Variants in MAP2 observed in about 807,000 individuals in gnomAD.
The protein encoded by MAP2 is microtubule associated protein 2, also known as microtubule-associated protein 2.
In MAP2, 14 loss-of-function variants were observed where a neutral mutation model predicts 137.6. The ratio of observed to expected loss-of-function variants is 0.10; its 90% confidence interval spans 0.07 to 0.16. The LOEUF (loss-of-function observed/expected upper bound fraction) is 0.16. Ranked by LOEUF, MAP2 falls within the 10% of genes least tolerant of loss-of-function variation. The probability of loss-of-function intolerance (pLI) is 1.00; values close to 1 mark genes in which losing one functional copy is unlikely to be tolerated. For missense variants in MAP2, 2,088 were observed against 2,191.5 expected, an observed-to-expected ratio of 0.95 and a Z score of 0.94; for synonymous variants, 786 against 782.3, an observed-to-expected ratio of 1.00 and a Z score of -0.08.
At chr2:209,438,480 A>G (rs1299625278) in intron 1 of MAP2, among the ~76,000 whole-genome samples, 2 of 151,554 alleles carry the variant, frequency 1.3e-5, no homozygotes, top group Non-Finnish European at 3.0e-5. Context: ...TGTGTAAATA[A>G]CTCCACCGAT....
chr2:209,467,462 A>G (rs1353212901), intron 1 of MAP2, among the ~76,000 whole-genome samples: 2 of 151,996 alleles, frequency 1.3e-5, no homozygotes, highest in African/African-American at 4.8e-5. Context: ...GTCTCTTCCT[A>G]CTACTCCCAT....
intron 1 of MAP2, among the ~76,000 whole-genome samples, chr2:209,434,413 AATT>A (rs1307922843): frequency 6.6e-6 from 1 of 151,894 alleles, no homozygotes; most frequent in Admixed American, 6.6e-5. Context: ...TGGGGTATTT[AATT>A]ATTGTTGATT....
chr2:209,643,663 ACTGCCC>A (rs2094199146), intron 4 of MAP2, among the ~76,000 whole-genome samples: 1 of 151,966 alleles, frequency 6.6e-6, no homozygotes, highest in African/African-American at 2.4e-5. Flanking sequence ...AATGCCAGGG[ACTGCCC>A]ATTGTTTTCA....
intron 1 of MAP2, among the ~76,000 whole-genome samples, chr2:209,471,012 T>G (rs1705566373): frequency 6.6e-6 from 1 of 152,174 alleles, no homozygotes; most frequent in Admixed American, 6.5e-5. Flanking sequence ...TTAAAGGTCT[T>G]TAGTAACTTC....
Position 209,433,259 on chromosome 2 carries a change from G to C in MAP2, c.-222+8983G>C, listed in dbSNP as rs543012642. ...ATATACAATAAACATATATAATAGA[G>C]CTTGTCTGTGATGGGATAGGCTGCC... is the stretch of plus-strand genomic sequence containing the variant. On this transcript the variant is annotated intron_variant, in intron 1 of 15. Coordinates refer to ENST00000682079, the MANE Select transcript of MAP2 (RefSeq NM_001375505.1). 9.2e-5 allele frequency among the ~76,000 whole-genome samples: 14 copies of C among 152,202 alleles called. No homozygotes were observed. In the South Asian group the frequency reaches 2.9e-3, roughly 32 times the overall value.
At chr2:209,598,251 C>A (rs2081907567) in intron 3 of MAP2, among the ~76,000 whole-genome samples, 1 of 151,860 alleles carries the variant, frequency 6.6e-6, no homozygotes. Flanking sequence ...GTGATCTGCT[C>A]ACCTCGGCCT....
chr2:209,448,072 T>G (rs1699503673), intron 1 of MAP2, among the ~76,000 whole-genome samples: 1 of 152,100 alleles, frequency 6.6e-6, no homozygotes, highest in Admixed American at 6.6e-5. Flanking sequence ...GGCCTTAATG[T>G]GCAGTATCAT....
At chr2:209,662,890 TA>T (rs2044342012) in intron 5 of MAP2, among the ~76,000 whole-genome samples, 1 of 152,094 alleles carries the variant, frequency 6.6e-6, no homozygotes, top group Non-Finnish European at 1.5e-5. Flanking sequence ...TTTGAACAAA[TA>T]AATTGCTCAA....
intron 5 of MAP2, among the ~76,000 whole-genome samples, chr2:209,676,159 T>A (rs565518300): frequency 6.6e-6 from 1 of 151,726 alleles, no homozygotes; most frequent in South Asian, 2.1e-4. Flanking sequence ...CAATGATAGA[T>A]TGGATAAAGA....
Position 209,694,159 on chromosome 2 carries a change from T to C in MAP2, c.1989T>C (p.Asp663=), listed in dbSNP as rs775038543. The change falls in exon 8 of 16, where the codon GAT becomes GAC. Residue 663 remains aspartate (D), a synonymous_variant. Coordinates refer to ENST00000682079, the MANE Select transcript of MAP2 (RefSeq NM_001375505.1). ...CTCAAGAAAGAATGTTCACTATTGA[T>C]CCAAAAGTGTATGGAGAGAAAAGGG... ...SSPQERMFTI[D]PKVYGEKRDL... is the part of the protein sequence containing the mutation. The C allele has an allele frequency of 8.7e-6, 14 of 1,614,044 alleles. No individual in the cohort carries two copies. Among genetic ancestry groups the C allele is most frequent in the Non-Finnish European group, 1.2e-5 (14 of 1,179,966 alleles).
At chr2:209,581,655 G>A (rs1362141699) in intron 3 of MAP2, among the ~76,000 whole-genome samples, 1 of 152,102 alleles carries the variant, frequency 6.6e-6, no homozygotes, top group Non-Finnish European at 1.5e-5. Flanking sequence ...TTCACATGAA[G>A]ATCTATTTCC....
At chr2:209,610,282 G>A (rs1236349108) in intron 3 of MAP2, among the ~76,000 whole-genome samples, 1 of 152,078 alleles carries the variant, frequency 6.6e-6, no homozygotes, top group Non-Finnish European at 1.5e-5. Flanking sequence ...AGAGGAGAGG[G>A]TAGGGGAAGC....
chr2:209,525,305 T>C (rs1229781924), intron 2 of MAP2, among the ~76,000 whole-genome samples: 2 of 152,202 alleles, frequency 1.3e-5, no homozygotes, highest in African/African-American at 4.8e-5. Flanking sequence ...TTTTCATATC[T>C]ATATTTAGAA....
At position 209,705,650 on chromosome 2, in the gene MAP2, G is replaced by A. The variant is rs1255439477; in HGVS notation, c.4655G>A (p.Arg1552Gln). The A allele has an allele frequency of 4.3e-6, 7 of 1,613,314 alleles. No individual in the cohort carries two copies. The highest frequency in any genetic ancestry group is 1.1e-5 in the South Asian group (1 of 91,046). ...CCTTCCTCCATTCTCCCTCCTCGGCGAGGTGTGTCAGGAGACAGAGATGAG... is the reference window on the plus strand; with the variant it reads ...CCTTCCTCCATTCTCCCTCCTCGGCAAGGTGTGTCAGGAGACAGAGATGAG... The part of the protein sequence containing the change: ...PRPSSILPPR[R>Q]GVSGDRDENS... Residue 1552 changes from arginine (R) to glutamine (Q), a missense_variant, in exon 12 of 16, where the codon CGA becomes CAA. Arg to Gln is a conservative substitution (Grantham distance 43). Transcript: ENST00000682079.
intron 2 of MAP2, among the ~76,000 whole-genome samples, chr2:209,544,112 A>T (rs534011855): frequency 4.6e-4 from 70 of 152,176 alleles, no homozygotes; most frequent in Non-Finnish European, 8.7e-4. Flanking sequence ...GGGTGCCTGT[A>T]GTCCCATCTA....
At chr2:209,578,135 G>C (rs545737561) in intron 2 of MAP2, among the ~76,000 whole-genome samples, 1 of 152,194 alleles carries the variant, frequency 6.6e-6, no homozygotes, top group Admixed American at 6.5e-5. Context: ...AACGCTGCGG[G>C]TGCCTGGGTT....
chr2:209,516,034 A>G (rs539022879), intron 2 of MAP2, among the ~76,000 whole-genome samples: 3 of 152,144 alleles, frequency 2.0e-5, no homozygotes, highest in East Asian at 1.9e-4. Context: ...GGCTCACGCA[A>G]TCCTCCCACC....
chr2:209,466,809 C>T (rs6738205), intron 1 of MAP2, among the ~76,000 whole-genome samples: 95,842 of 152,040 alleles, frequency 0.63, 30,425 homozygotes, highest in Middle Eastern at 0.67. Flanking sequence ...AAGAAAACAG[C>T]AGAAGATCAA....
chr2:209,661,510 G>T (rs1582684256), intron 5 of MAP2: 1 of 985,320 alleles, frequency 1.0e-6, no homozygotes, highest in African/African-American at 1.7e-5. Flanking sequence ...TTCAAGGGTG[G>T]ATCTGCAGAA....
Sources: allele counts gnomAD v4.1 joint callset (sites outside exome capture counted in the v4.1 genomes callset), GRCh38; gene constraint gnomAD v4.1.1; transcripts MANE v1.5; gene names NCBI Gene and HGNC (gene_info 2026-07-23, HGNC 2026-07-21).